Variants in NEMP1 observed in about 807,000 individuals in gnomAD.
NEMP1 encodes the protein transmembrane protein 194.
In NEMP1, 29 loss-of-function variants were observed where a neutral mutation model predicts 53.7. The observed-to-expected ratio is 0.54, with a 90% confidence interval of 0.40 to 0.74. The LOEUF is 0.74. Ranked by LOEUF, NEMP1 falls within the 30% of genes least tolerant of loss-of-function variation. The pLI is 0.00. For missense variants in NEMP1, 477 were observed against 528.6 expected (o/e 0.90, Z 0.96); for synonymous variants, 193 against 192.9 (o/e 1.00, Z 0.00).
Position 57,078,708 on chromosome 12 carries a change from A to G in NEMP1, c.38T>C (p.Val13Ala), listed in dbSNP as rs1592520789. 1.2e-6 allele frequency: 2 copies of G among 1,612,896 alleles called. No individual in the cohort carries two copies. The highest frequency in any genetic ancestry group is 2.2e-5 in the East Asian group (1 of 44,794). Residue 13 changes from valine (V) to alanine (A), a missense_variant, in exon 1 of 9, where the codon GTT becomes GCT. Val to Ala is a moderately conservative substitution (Grantham distance 64). Coordinates refer to ENST00000300128, the MANE Select transcript of NEMP1 (RefSeq NM_001130963.2). Reference protein sequence around the residue: ...GGMKVAVSPAVGPGPWGSGVG... With the variant: ...GGMKVAVSPAAGPGPWGSGVG... ...TCCCGAGCCCCAGGGCCCGGGACCA[A>G]CTGCCGGCGAGACCGCCACTTTCAT...
chr12:57,074,414 C>G (rs1370067879), intron 1 of NEMP1, among the ~76,000 whole-genome samples: 2 of 152,032 alleles, frequency 1.3e-5, no homozygotes, highest in Non-Finnish European at 2.9e-5. Context: ...ACCTCAGCCT[C>G]CTGAGTAGCT....
intron 2 of NEMP1, among the ~76,000 whole-genome samples, chr12:57,071,454 T>C (rs927966129): frequency 7.2e-5 from 11 of 152,094 alleles, no homozygotes; most frequent in African/African-American, 2.2e-4. Flanking sequence ...TTCAGCTCAC[T>C]GCAACCGCCA....
intron 2 of NEMP1, 69 bp downstream of exon 2, chr12:57,072,719 C>A: frequency 6.6e-7 from 1 of 1,505,302 alleles, no homozygotes; most frequent in South Asian, 1.3e-5. Context: ...AAGAAAGTGT[C>A]AAAATACTCA....
intron 4 of NEMP1, among the ~76,000 whole-genome samples, chr12:57,067,077 G>A (rs1240210): frequency 6.6e-6 from 1 of 152,186 alleles, no homozygotes; most frequent in African/African-American, 2.4e-5. Context: ...TGTAATCCCA[G>A]CACTTTGGGA....
intron 1 of NEMP1, among the ~76,000 whole-genome samples, chr12:57,076,712 G>C (rs188897848): frequency 6.6e-6 from 1 of 152,014 alleles, no homozygotes; most frequent in Non-Finnish European, 1.5e-5. Flanking sequence ...GAGGCAGAGG[G>C]AGAAGTGCTT....
intron 1 of NEMP1, among the ~76,000 whole-genome samples, chr12:57,078,163 T>C (rs1242408557): frequency 6.6e-6 from 1 of 152,140 alleles, no homozygotes; most frequent in Non-Finnish European, 1.5e-5. Context: ...ACTACATCCG[T>C]TCTGCCACCC....
chr12:57,064,033 T>A, intron 6 of NEMP1, 38 bp downstream of exon 6: 5 of 1,281,648 alleles, frequency 3.9e-6, no homozygotes, highest in South Asian at 1.3e-5. Flanking sequence ...AAACAGCCTA[T>A]AAACGTACAA....
At chr12:57,067,935 A>G (rs2032167057) in intron 4 of NEMP1, among the ~76,000 whole-genome samples, 2 of 151,996 alleles carry the variant, frequency 1.3e-5, no homozygotes, top group Non-Finnish European at 2.9e-5. Flanking sequence ...ATGCCTGGCT[A>G]ATTTTTGTAT....
intron 1 of NEMP1, among the ~76,000 whole-genome samples, chr12:57,085,468 C>T (rs2136532430): frequency 6.6e-6 from 1 of 152,332 alleles, no homozygotes; most frequent in South Asian, 2.1e-4. Flanking sequence ...TTGTTGTACC[C>T]ATATTATTGC....
At chr12:57,068,318 G>A (rs2032190857) in intron 4 of NEMP1, among the ~76,000 whole-genome samples, 1 of 150,822 alleles carries the variant, frequency 6.6e-6, no homozygotes, top group Admixed American at 6.6e-5. Context: ...GTCTTAACTA[G>A]TAGGTTCCTA....
At chr12:57,087,316 G>C (rs1332851268) in intron 1 of NEMP1, among the ~76,000 whole-genome samples, 1 of 152,146 alleles carries the variant, frequency 6.6e-6, no homozygotes, top group Non-Finnish European at 1.5e-5. Flanking sequence ...GTGGGAGGGA[G>C]GGGGGCGCCT....
At chr12:57,075,800 T>C (rs2032587731) in intron 1 of NEMP1, among the ~76,000 whole-genome samples, 1 of 146,896 alleles carries the variant, frequency 6.8e-6, no homozygotes, top group East Asian at 2.0e-4. Flanking sequence ...AATCCCACTC[T>C]ACTAAAAATA....
At chr12:57,061,063 A>C in intron 7 of NEMP1, 118 bp from the exon 8 acceptor site, 1 of 1,004,428 alleles carries the variant, frequency 1.0e-6, no homozygotes, top group Non-Finnish European at 1.4e-6. Context: ...AAGAGTCATC[A>C]CTCCTAAAAA....
Position 57,078,750 on chromosome 12 carries a change from G to C in NEMP1, c.-5C>G. 1.2e-6 allele frequency: 2 copies of C among 1,609,402 alleles called. No homozygotes were observed. Among genetic ancestry groups the C allele is most frequent in the Non-Finnish European group, 1.7e-6 (2 of 1,176,748 alleles). ...CACTTTCATTCCTCCCGCCATGGTT[G>C]CCTCAAGCCACCTCCTCCTCACGTG... On this transcript the variant is annotated 5_prime_UTR_variant, in exon 1 of 9. Transcript: ENST00000300128.
Position 57,084,129 on chromosome 12 carries a change from A to G in NEMP1, n.113+3822T>C, listed in dbSNP as rs554404324. On this transcript the variant is annotated intron_variant and non_coding_transcript_variant, in intron 1 of 2. Transcript: ENST00000553654. ...AGGCATGCGCCACCACGCCCAGGTAATTTTTGTATTTTTAGTAGAGACGGG... is the reference window on the plus strand; with the variant it reads ...AGGCATGCGCCACCACGCCCAGGTAGTTTTTGTATTTTTAGTAGAGACGGG... Among the ~76,000 whole-genome samples, 10 of 152,208 alleles carry G rather than the reference A, an allele frequency of 6.6e-5. No homozygotes were observed. In the South Asian group the frequency reaches 2.1e-3, roughly 32 times the overall value.
chr12:57,062,971 T>C, intron 7 of NEMP1, 148 bp downstream of exon 7: 2 of 509,118 alleles, frequency 3.9e-6, no homozygotes, highest in Non-Finnish European at 6.9e-6. Context: ...AAAAAAAAAA[T>C]AGACTCGGGA....
chr12:57,062,372 C>T (rs1032148362), intron 7 of NEMP1, among the ~76,000 whole-genome samples: 1 of 152,002 alleles, frequency 6.6e-6, no homozygotes, highest in Non-Finnish European at 1.5e-5. Context: ...CCCAACTATT[C>T]GGGAGGCTGA....
At chr12:57,075,445 A>G (rs1378032027) in intron 1 of NEMP1, among the ~76,000 whole-genome samples, 2 of 149,570 alleles carry the variant, frequency 1.3e-5, no homozygotes, top group African/African-American at 4.9e-5. Context: ...TTGGGAGCCA[A>G]GATCACACCA....
chr12:57,061,010 C>T, intron 7 of NEMP1, 65 bp from the exon 8 acceptor site: 1 of 1,539,118 alleles, frequency 6.5e-7, no homozygotes, highest in Non-Finnish European at 8.8e-7. Flanking sequence ...TTACTTCTAG[C>T]TCCCTTCAGT....
Sources: gnomAD v4.1 joint callset for allele counts (sites outside exome capture counted in the v4.1 genomes callset) on GRCh38, gnomAD v4.1.1 for gene constraint, MANE v1.5 for transcripts, NCBI Gene and HGNC (gene_info 2026-07-23, HGNC 2026-07-21) for gene names.